The following FABP6 variants were observed in gnomAD, a reference collection of about 807,000 sequenced individuals.
The protein encoded by FABP6 is gastrotropin.
In FABP6, 13 loss-of-function variants were observed where a neutral mutation model predicts 14.9. The observed-to-expected ratio is 0.87, with a 90% confidence interval of 0.57 to 1.39. The LOEUF is 1.39. FABP6 is among the 40% of genes most tolerant of loss of function. The pLI, the probability that FABP6 is intolerant of heterozygous loss-of-function variation, is 0.00. For synonymous variants in FABP6, 75 were observed against 63.6 expected (o/e 1.18, Z -0.85); for missense variants, 161 against 167.2 (o/e 0.96, Z 0.20).
intron 3 of FABP6, among the ~76,000 whole-genome samples, chr5:160,215,723 G>A (rs967516472): frequency 2.0e-5 from 3 of 152,024 alleles, no homozygotes; most frequent in Non-Finnish European, 4.4e-5. Context: ...AAGGCATGAG[G>A]AATTAGAACT....
chr5:160,216,989 C>A (rs1037217571), intron 3 of FABP6, among the ~76,000 whole-genome samples: 1 of 152,276 alleles, frequency 6.6e-6, no homozygotes, highest in Non-Finnish European at 1.5e-5. Context: ...CCGCTTACCA[C>A]CTGGACATGT....
At chr5:160,206,016 C>A (rs150379533) in intron 2 of FABP6, among the ~76,000 whole-genome samples, 1 of 152,130 alleles carries the variant, frequency 6.6e-6, no homozygotes, top group East Asian at 1.9e-4. Flanking sequence ...GGCAGCAAAC[C>A]GATACCCTCC....
chr5:160,208,986 C>T (rs1759828151), intron 2 of FABP6, among the ~76,000 whole-genome samples: 1 of 151,726 alleles, frequency 6.6e-6, no homozygotes, highest in African/African-American at 2.4e-5. Context: ...CCATGTTGGC[C>T]AGGCTGGTCT....
At chr5:160,218,334 C>G (rs1024162494) in intron 3 of FABP6, among the ~76,000 whole-genome samples, 1 of 152,102 alleles carries the variant, frequency 6.6e-6, no homozygotes, top group African/African-American at 2.4e-5. Context: ...TGCCCAAGGC[C>G]ACAGAACCAG....
In FABP6 at chr5:160,234,815, T is replaced by A. The variant is rs745731261; in HGVS notation, c.244-5T>A. ...CCCAGGCTTAATGTTGTGCTTCCAT[T>A]CCAGGCCACTGTGCAGATGGAGGGC... On this transcript the variant is annotated splice_polypyrimidine_tract_variant and splice_region_variant and intron_variant, in intron 2 of 3. Transcript: ENST00000402432. 6.2e-7 allele frequency: 1 copy of A among 1,602,958 alleles called. No homozygotes were observed.
rs1476730767 is a variant in FABP6, at chr5:160,232,107, G to T, written c.77G>T (p.Ser26Ile). Residue 26 changes from serine (S) to isoleucine (I), a missense_variant, in exon 2 of 4, where the codon AGC becomes ATC. By Grantham distance (142) the Ser-to-Ile change is moderately radical. Coordinates refer to ENST00000402432, the MANE Select transcript of FABP6 (RefSeq NM_001445.3). The stretch of plus-strand genomic sequence containing the variant: ...TTGTCCCCGGGTCCAGGGATCTCCA[G>T]CGATGTAATCGAAAAGGCCCGCAAC... ...DEFMKLLGISSDVIEKARNFK... is the reference protein window; with the variant it reads ...DEFMKLLGISIDVIEKARNFK... The T allele has an allele frequency of 6.2e-7, 1 of 1,614,034 alleles. No individual in the cohort carries two copies. The highest frequency in any genetic ancestry group is 2.2e-5 in the East Asian group (1 of 44,874).
At position 160,215,685 on chromosome 5, in the gene FABP6, C is replaced by CAAAA. The variant is rs112644160; in HGVS notation, c.135+1876_135+1879dup. Among the ~76,000 whole-genome samples the CAAAA allele has an allele frequency of 2.1e-3, 220 of 104,180 alleles. 2 individuals carry two copies. Among genetic ancestry groups the CAAAA allele is most frequent in the South Asian group, 0.014 (53 of 3,660 alleles). The allele number at this position is 104,180 out of a possible 152,430, so 68.3% of individuals were successfully genotyped here. On this transcript the variant is annotated intron_variant, in intron 3 of 6. Transcript: ENST00000393980. The stretch of plus-strand genomic sequence containing the variant: ...TTTGGGTGACAGAGCAAGACCTTGT[C>CAAAA]AAAAAAAAAAAAAGAAAAAAAGAAG...
chr5:160,236,897 G>A (rs1193281311), intron 3 of FABP6, among the ~76,000 whole-genome samples: 2 of 151,666 alleles, frequency 1.3e-5, no homozygotes, highest in African/African-American at 4.8e-5. Context: ...CAGGAGAATC[G>A]CTTCAATCCA....
chr5:160,193,305 A>T (rs890476162), intron 1 of FABP6, among the ~76,000 whole-genome samples: 24 of 152,140 alleles, frequency 1.6e-4, no homozygotes, highest in African/African-American at 5.1e-4. Flanking sequence ...CGCTGGCTTC[A>T]GGAGTGAAGC....
At chr5:160,202,568 A>G (rs143589638) in intron 2 of FABP6, among the ~76,000 whole-genome samples, 12,003 of 152,180 alleles carry the variant, frequency 0.079, 685 homozygotes, top group East Asian at 0.33. Context: ...AGGACAAGGC[A>G]GGCAAATCAC....
chr5:160,225,086 G>C, upstream of FABP6, among the ~76,000 whole-genome samples: 1 of 126,714 alleles, frequency 7.9e-6, no homozygotes. Flanking sequence ...GGTCAAACCT[G>C]ATAGCAGTTT....
chr5:160,206,640 C>T (rs924525924), intron 2 of FABP6, among the ~76,000 whole-genome samples: 7 of 152,146 alleles, frequency 4.6e-5, no homozygotes, highest in Admixed American at 2.0e-4. Flanking sequence ...CAGAGCCACA[C>T]ATACTGGTTA....
At position 160,194,212 on chromosome 5, in the gene FABP6, G is replaced by T. The variant is rs372109232; in HGVS notation, c.-58-4837G>T. Among the ~76,000 whole-genome samples the T allele has an allele frequency of 1.4e-4, 21 of 152,350 alleles. No individual in the cohort carries two copies. In the East Asian group the frequency reaches 4.0e-3, roughly 29 times the overall value. ...CCAGTGCGGGACCCACCAAGCCCAC[G>T]CCCACCGGCAACTCCAGCTGGCCCG... is the stretch of plus-strand genomic sequence containing the variant. On this transcript the variant is annotated intron_variant, in intron 1 of 6. Coordinates refer to the FABP6 transcript ENST00000393980.
intron 1 of FABP6, among the ~76,000 whole-genome samples, chr5:160,188,460 T>C (rs1182897266): frequency 6.6e-6 from 1 of 152,104 alleles, no homozygotes; most frequent in African/African-American, 2.4e-5. Flanking sequence ...GGGGGGCCCT[T>C]GCTCCAAAGC....
chr5:160,238,121 G>A (rs577440793), intron 3 of FABP6, among the ~76,000 whole-genome samples: 18 of 152,060 alleles, frequency 1.2e-4, no homozygotes, highest in African/African-American at 1.9e-4. Context: ...CATCCCCCCC[G>A]CCTGCCTCTC....
intron 1 of FABP6, among the ~76,000 whole-genome samples, chr5:160,231,417 G>A (rs912257538): frequency 2.0e-5 from 3 of 152,186 alleles, no homozygotes; most frequent in Admixed American, 6.5e-5. Context: ...AGGAGGGGAC[G>A]GAGTCCTGCT....
chr5:160,230,180 G>A (rs1316554086), intron 1 of FABP6, among the ~76,000 whole-genome samples: 1 of 151,758 alleles, frequency 6.6e-6, no homozygotes, highest in African/African-American at 2.4e-5. Context: ...GCCGCACCCA[G>A]CATAGACACT....
intron 3 of FABP6, among the ~76,000 whole-genome samples, chr5:160,235,654 C>A (rs1760491745): frequency 6.6e-6 from 1 of 152,192 alleles, no homozygotes; most frequent in Non-Finnish European, 1.5e-5. Context: ...CAGAGACCCT[C>A]TGGGGTCCCG....
chr5:160,198,931 G>A (rs1759570391), intron 1 of FABP6: 2 of 637,224 alleles, frequency 3.1e-6, no homozygotes, highest in African/African-American at 3.6e-5. Context: ...TATCTCCAGG[G>A]CCCATGTGTC....
Sources: allele counts gnomAD v4.1 joint callset (sites outside exome capture counted in the v4.1 genomes callset), GRCh38; gene constraint gnomAD v4.1.1; transcripts MANE v1.5; gene names NCBI Gene and HGNC (gene_info 2026-07-23, HGNC 2026-07-21).